C7: variants seen among roughly 807,000 people sequenced by gnomAD.
The protein encoded by C7 is complement C7.
A neutral mutation model predicts 104.8 loss-of-function variants in C7; 83 were observed. That is an observed-to-expected ratio of 0.79 (90% CI 0.66 to 0.95). The LOEUF (loss-of-function observed/expected upper bound fraction) is 0.95. C7 is among the 40% of genes least tolerant of loss of function. The probability of loss-of-function intolerance (pLI) is 0.00; values close to 1 mark genes in which losing one functional copy is unlikely to be tolerated. For synonymous variants in C7, 415 were observed against 360.6 expected, an observed-to-expected ratio of 1.15 and a Z score of -1.71; for missense variants, 1,070 against 1,011.2, an observed-to-expected ratio of 1.06 and a Z score of -0.79.
chr5:40,947,454 A>G (rs2111629864), intron 7 of C7, 148 bp from the exon 8 acceptor site: 3 of 806,848 alleles, frequency 3.7e-6, no homozygotes, highest in Non-Finnish European at 6.1e-6. Flanking sequence ...TGGGCCCATA[A>G]GAGTGCTCAT....
intron 1 of C7, among the ~76,000 whole-genome samples, chr5:40,915,015 C>A (rs945915517): frequency 1.3e-5 from 2 of 152,038 alleles, no homozygotes; most frequent in Non-Finnish European, 2.9e-5. Flanking sequence ...GATGAAGCAA[C>A]CCCAAGAAAT....
chr5:40,951,664 T>C (rs887822642), intron 9 of C7, among the ~76,000 whole-genome samples: 8 of 152,094 alleles, frequency 5.3e-5, no homozygotes, highest in Non-Finnish European at 1.2e-4. Context: ...TTCCATAGTA[T>C]GGTAGGGGTG....
rs548926775 is a variant in C7, at chr5:40,929,566, T to C, written c.62+931T>C. Among the ~76,000 whole-genome samples the C allele has an allele frequency of 2.0e-5, 3 of 152,288 alleles. No individual in the cohort carries two copies. The South Asian group carries it at 6.2e-4, about 32-fold the overall frequency. ...CTCTTAAGACATGCAAGAATCATCTTGACTCAAGATATTGCCCAGCCGAGG... is the reference window on the plus strand; with the variant it reads ...CTCTTAAGACATGCAAGAATCATCTCGACTCAAGATATTGCCCAGCCGAGG... On this transcript the variant is annotated intron_variant, in intron 2 of 17. Coordinates refer to ENST00000313164, the MANE Select transcript of C7 (RefSeq NM_000587.4).
chr5:40,964,708 CTCTT>C, intron 13 of C7, 29 bp from the exon 14 acceptor site: 1 of 1,598,766 alleles, frequency 6.3e-7, no homozygotes, highest in Non-Finnish European at 8.6e-7. Flanking sequence ...AATAGACAAA[CTCTT>C]TCCTTTTCCA....
chr5:40,923,543 A>C (rs1285844466), intron 1 of C7, among the ~76,000 whole-genome samples: 1 of 151,968 alleles, frequency 6.6e-6, no homozygotes, highest in African/African-American at 2.4e-5. Context: ...GTCAGGAGTT[A>C]AAGACCAGCC....
chr5:40,961,244 T>G (rs987871809), intron 12 of C7, among the ~76,000 whole-genome samples: 4 of 152,242 alleles, frequency 2.6e-5, no homozygotes, highest in African/African-American at 9.6e-5. Context: ...TTTCCATGTA[T>G]CTCATGGTGT....
chr5:40,935,684 G>A (rs759485759), intron 4 of C7, among the ~76,000 whole-genome samples: 6 of 152,158 alleles, frequency 3.9e-5, no homozygotes, highest in Non-Finnish European at 7.4e-5. Context: ...AAGCTAGTAG[G>A]AGAATGGCTG....
chr5:40,911,042 T>C (rs1213301017), intron 1 of C7: 1 of 152,182 alleles, frequency 6.6e-6, no homozygotes, highest in East Asian at 1.9e-4. Context: ...AATAAAGCAA[T>C]TAATTTTTTA....
intron 2 of C7, 69 bp from the exon 3 acceptor site, chr5:40,930,995 C>T (rs886739044): frequency 1.9e-6 from 2 of 1,055,674 alleles, no homozygotes; most frequent in Non-Finnish European, 2.9e-6. Context: ...TGACTGTTTT[C>T]ACTATTCTTT....
intron 1 of C7, among the ~76,000 whole-genome samples, chr5:40,928,323 G>A (rs933154539): frequency 2.0e-5 from 3 of 152,054 alleles, no homozygotes; most frequent in Non-Finnish European, 2.9e-5. Flanking sequence ...ATTGTACAGC[G>A]TGGTGAATAT....
At chr5:40,971,028 T>C (rs1740687659) in intron 14 of C7, among the ~76,000 whole-genome samples, 2 of 152,200 alleles carry the variant, frequency 1.3e-5, no homozygotes, top group African/African-American at 2.4e-5. Flanking sequence ...CTATTGTAAG[T>C]AGTGCTGCAA....
At chr5:40,980,010 A>G in intron 17 of C7, 101 bp downstream of exon 17, 1 of 1,021,284 alleles carries the variant, frequency 9.8e-7, no homozygotes, top group Non-Finnish European at 1.4e-6. Flanking sequence ...CGAAGAAGAT[A>G]CTTGAGGATG....
chr5:40,923,237 T>G (rs1453383773), intron 1 of C7, among the ~76,000 whole-genome samples: 1 of 152,218 alleles, frequency 6.6e-6, no homozygotes, highest in Non-Finnish European at 1.5e-5. Context: ...TCAATATCAC[T>G]AATTGTATTA....
Position 40,972,554 on chromosome 5 carries a change from G to A in C7, c.2034G>A (p.Lys678=). The A allele has an allele frequency of 6.2e-7, 1 of 1,612,416 alleles. No individual in the cohort carries two copies. The highest frequency in any genetic ancestry group is 8.5e-7 in the Non-Finnish European group (1 of 1,179,196). ...CATTTCTCTGTGGCTCCAGCCTTAA[G>A]TGGAGTCCTGAGATGAAGAATGCCC... is the stretch of plus-strand genomic sequence containing the variant. ...PSAFLCGSSL[K]WSPEMKNARC... The change falls in exon 15 of 18, where the codon AAG becomes AAA. Residue 678 remains lysine, a synonymous_variant. Coordinates refer to ENST00000313164, the MANE Select transcript of C7 (RefSeq NM_000587.4).
chr5:40,942,137 C>T (rs1012452841), intron 6 of C7, among the ~76,000 whole-genome samples: 7 of 151,888 alleles, frequency 4.6e-5, no homozygotes, highest in East Asian at 1.9e-4. Context: ...CCATTGTAAG[C>T]GGAAGAGTGA....
intron 9 of C7, among the ~76,000 whole-genome samples, chr5:40,953,514 G>A (rs1001688866): frequency 1.5e-4 from 23 of 152,000 alleles, no homozygotes; most frequent in African/African-American, 4.6e-4. Context: ...GGTGGCGCAC[G>A]CCTGTAGTCC....
intron 1 of C7, among the ~76,000 whole-genome samples, chr5:40,920,658 G>A (rs1056076437): frequency 2.0e-5 from 3 of 151,228 alleles, no homozygotes; most frequent in East Asian, 1.9e-4. Flanking sequence ...AAGTCCTAAC[G>A]ATAGCAATTA....
At chr5:40,954,160 T>C (rs1032924592) in intron 9 of C7, among the ~76,000 whole-genome samples, 5 of 152,194 alleles carry the variant, frequency 3.3e-5, no homozygotes, top group African/African-American at 1.2e-4. Flanking sequence ...AGATTCCTGT[T>C]AATTAACAGC....
chr5:40,975,366 C>CTTTTTTTTT lies in C7; in HGVS notation c.2075-1377_2075-1369dup, dbSNP rs1162765793. 3.5e-5 allele frequency among the ~76,000 whole-genome samples: 5 copies of CTTTTTTTTT among 142,012 alleles called. 2 individuals are homozygous for CTTTTTTTTT. Among genetic ancestry groups the CTTTTTTTTT allele is most frequent in the Non-Finnish European group, 6.1e-5 (4 of 65,226 alleles). The allele number at this position is 142,012 out of a possible 152,430, so 93.2% of individuals were successfully genotyped here. A position where few individuals can be genotyped will look rare whatever the true frequency, so the allele number is the denominator to read the frequency against. On this transcript the variant is annotated intron_variant, in intron 15 of 17. Coordinates refer to ENST00000313164, the MANE Select transcript of C7 (RefSeq NM_000587.4). ...TAATACCATTTTAAAGAGAAGTGTG[C>CTTTTTTTTT]TTTTTTTTTTTTTTTGAGACAAGGT...
Sources: allele counts gnomAD v4.1 joint callset (sites outside exome capture counted in the v4.1 genomes callset), GRCh38; gene constraint gnomAD v4.1.1; transcripts MANE v1.5; gene names NCBI Gene and HGNC (gene_info 2026-07-23, HGNC 2026-07-21).